ACSS1: variants seen among roughly 807,000 people sequenced by gnomAD.
The protein encoded by ACSS1 is acyl-CoA synthetase short chain family member 1.
ACSS1 carries 42 observed loss-of-function variants against 75.3 expected under a neutral mutation model. The ratio of observed to expected loss-of-function variants is 0.56; its 90% confidence interval spans 0.44 to 0.72. The LOEUF (loss-of-function observed/expected upper bound fraction) is 0.72. Ranked by LOEUF, ACSS1 falls within the 30% of genes least tolerant of loss-of-function variation. The probability of loss-of-function intolerance (pLI) is 0.00; values close to 1 mark genes in which losing one functional copy is unlikely to be tolerated. For missense variants in ACSS1, 782 were observed against 935.7 expected, an observed-to-expected ratio of 0.84 and a Z score of 2.14; for synonymous variants, 380 against 376.8, an observed-to-expected ratio of 1.01 and a Z score of -0.10.
chr20:25,021,515 C>G lies in ACSS1; in HGVS notation c.982G>C (p.Gly328Arg), dbSNP rs2088625172. 2 of 1,614,018 alleles carry G rather than the reference C, an allele frequency of 1.2e-6. No individual in the cohort carries two copies. Among genetic ancestry groups the G allele is most frequent in the Admixed American group, 3.3e-5 (2 of 59,990 alleles). Reference protein sequence around the residue: ...THKLVFDHQPGDIFGCVADIG... With the variant: ...THKLVFDHQPRDIFGCVADIG... ...TCGGCCACACAGCCAAAGATGTCAC[C>G]TGGCTGGTGGTCAAACACAAGCTGC... is the stretch of plus-strand genomic sequence containing the variant. Residue 328 changes from glycine to arginine, a missense_variant, in exon 6 of 14, where the codon GGT (glycine) becomes CGT (arginine). By Grantham distance (125) the Gly-to-Arg change is moderately radical. This residue lies in a region of ACSS1 where 405 missense variants were observed against 552.6 expected (regional missense o/e 0.73). Coordinates refer to ENST00000323482, the MANE Select transcript of ACSS1 (RefSeq NM_032501.4).
At chr20:25,030,697 G>A (rs2088806579) in intron 3 of ACSS1, 62 bp downstream of exon 3, 3 of 1,580,174 alleles carry the variant, frequency 1.9e-6, no homozygotes, top group Non-Finnish European at 1.7e-6. Context: ...TGATGGCCAG[G>A]CCCCCAGGAA....
intron 2 of ACSS1, among the ~76,000 whole-genome samples, chr20:25,033,798 C>A (rs963879328): frequency 6.6e-6 from 1 of 152,192 alleles, no homozygotes; most frequent in South Asian, 2.1e-4. Flanking sequence ...GCAGGGAGAG[C>A]TTTCTGGATA....
chr20:25,015,399 G>A lies in ACSS1; in HGVS notation c.1247-169C>T, dbSNP rs151056482. On this transcript the variant is annotated intron_variant, in intron 7 of 13. Transcript: ENST00000323482. ...CAACCTCCACCTCCCAGGTTCAAGC[G>A]ATTCTCCTGCTTCAGCCTCCTGAGT... Among the ~76,000 whole-genome samples, 36 of 152,244 alleles carry A rather than the reference G, an allele frequency of 2.4e-4. No homozygotes were observed. The Middle Eastern group carries it at 0.014, about 58-fold the overall frequency.
In ACSS1 at chr20:25,012,898, C is replaced by T. The variant is rs145929672; in HGVS notation, c.1621G>A (p.Gly541Ser). 3.7e-6 allele frequency: 6 copies of T among 1,614,160 alleles called. No individual in the cohort carries two copies. The highest frequency in any genetic ancestry group is 5.1e-6 in the Non-Finnish European group (6 of 1,180,042). ...ATCCGCCCTGTGATCTGGTAATAGC[C>T]GCCCTCAGTTCGGTAAGCCCCGTCT... is the stretch of plus-strand genomic sequence containing the variant. ...TGDGAYRTEG[G>S]YYQITGRMDD... The change falls in exon 11 of 14, where the codon GGC becomes AGC. Residue 541 changes from glycine (G) to serine (S), a missense_variant. This residue lies in a region of ACSS1 where 405 missense variants were observed against 552.6 expected (regional missense o/e 0.73). Coordinates refer to ENST00000323482, the MANE Select transcript of ACSS1 (RefSeq NM_032501.4).
intron 3 of ACSS1, among the ~76,000 whole-genome samples, chr20:25,026,000 T>C (rs2088710026): frequency 6.6e-6 from 1 of 152,174 alleles, no homozygotes; most frequent in Non-Finnish European, 1.5e-5. Flanking sequence ...TGGGTCATTA[T>C]TCTACCCCCA....
chr20:25,012,389 C>T (rs2088425250), intron 12 of ACSS1: 1 of 617,682 alleles, frequency 1.6e-6, no homozygotes, highest in African/African-American at 1.8e-5. Context: ...CCTGAAAGGA[C>T]AGCAGAACCA....
At chr20:25,048,295 G>A in intron 1 of ACSS1, 114 bp from the exon 2 acceptor site, 1 of 789,130 alleles carries the variant, frequency 1.3e-6, no homozygotes, top group Non-Finnish European at 2.1e-6. Context: ...TTCTTCCACT[G>A]ACAGAGACCC....
intron 7 of ACSS1, among the ~76,000 whole-genome samples, chr20:25,019,594 C>T (rs2088580911): frequency 6.6e-6 from 1 of 152,226 alleles, no homozygotes; most frequent in Non-Finnish European, 1.5e-5. Flanking sequence ...TCCTAGTTCA[C>T]TGCAGCCTGA....
At chr20:25,032,250 A>C in intron 2 of ACSS1, 2 of 942,588 alleles carry the variant, frequency 2.1e-6, no homozygotes, top group Non-Finnish European at 1.4e-6. Context: ...CTCAGGGCGC[A>C]TCATCTCTCT....
At chr20:25,026,999 C>A (rs183109548) in intron 3 of ACSS1, among the ~76,000 whole-genome samples, 16 of 152,352 alleles carry the variant, frequency 1.1e-4, no homozygotes, top group Admixed American at 5.2e-4. Context: ...ACTGGGTGAC[C>A]ATGGCCACAC....
intron 12 of ACSS1, 152 bp downstream of exon 12, chr20:25,012,449 C>T (rs1057242865): frequency 1.2e-5 from 12 of 969,418 alleles, no homozygotes; most frequent in East Asian, 1.2e-4. Context: ...GCCTCCTCCC[C>T]TACAGTTTCC....
intron 2 of ACSS1, among the ~76,000 whole-genome samples, chr20:25,037,009 G>GA (rs2088924027): frequency 6.8e-6 from 1 of 147,854 alleles, no homozygotes; most frequent in Admixed American, 6.7e-5. Context: ...AGAAAGAAAG[G>GA]AAGGAAGGAA....
Position 25,007,149 on chromosome 20 carries a change from A to G in ACSS1, c.*613T>C, listed in dbSNP as rs904656464. On this transcript the variant is annotated 3_prime_UTR_variant, in exon 14 of 14. Coordinates refer to ENST00000323482, the MANE Select transcript of ACSS1 (RefSeq NM_032501.4). ...TCAAGGGAACTGTTTAGACAGAGGT[A>G]CAAACATCTCCAATTCAGACTTCCA... The G allele has an allele frequency of 4.6e-5, 62 of 1,334,060 alleles. 1 individual carries two copies. Among genetic ancestry groups the G allele is most frequent in the Middle Eastern group, 5.4e-4 (2 of 3,712 alleles). 82.6% of individuals were successfully genotyped at this position (1,334,060 alleles called of 1,614,324 possible).
chr20:25,007,097 GA>G lies in ACSS1; in HGVS notation c.*664del. The G allele has an allele frequency of 7.1e-7, 1 of 1,412,384 alleles. No individual in the cohort carries two copies. The highest frequency in any genetic ancestry group is 1.6e-5 in the South Asian group (1 of 62,916). 87.5% of individuals were successfully genotyped at this position (1,412,384 alleles called of 1,614,324 possible). On this transcript the variant is annotated 3_prime_UTR_variant, in exon 14 of 14. Transcript: ENST00000323482. ...CAAGCACAGGAGAAACACTCACCAG[GA>G]AAAGATGCCGGAGGCTTGGAAGTTC... is the stretch of plus-strand genomic sequence containing the variant.
chr20:25,018,497 G>C (rs572796601), intron 7 of ACSS1, among the ~76,000 whole-genome samples: 1 of 152,186 alleles, frequency 6.6e-6, no homozygotes, highest in Admixed American at 6.5e-5. Flanking sequence ...GGTACAGGGT[G>C]GGGGCACAGA....
Position 25,007,301 on chromosome 20 carries a change from T to G in ACSS1, c.*461A>C. 1.8e-6 allele frequency: 2 copies of G among 1,101,822 alleles called. No individual in the cohort carries two copies. Among genetic ancestry groups the G allele is most frequent in the Non-Finnish European group, 2.2e-6 (2 of 902,528 alleles). The allele number at this position is 1,101,822 out of a possible 1,614,324, so 68.3% of individuals were successfully genotyped here. ...TGTTCAAGTAAATCCACACACTACA[T>G]GTGAGTGTTGCATGCTGTTCTTCCA... On this transcript the variant is annotated 3_prime_UTR_variant, in exon 14 of 14. Transcript: ENST00000323482.
chr20:25,023,172 TCC>T, intron 4 of ACSS1, 80 bp from the exon 5 acceptor site: 1 of 1,493,948 alleles, frequency 6.7e-7, no homozygotes, highest in Admixed American at 2.1e-5. Flanking sequence ...GCAGCAGGAC[TCC>T]ACACACAGGA....
chr20:25,040,204 C>A (rs1196742286), intron 2 of ACSS1, among the ~76,000 whole-genome samples: 1 of 152,248 alleles, frequency 6.6e-6, no homozygotes, highest in Non-Finnish European at 1.5e-5. Context: ...TTGCACACCC[C>A]ACATGCCCTC....
chr20:25,012,970 GA>G, intron 10 of ACSS1, 31 bp from the exon 11 acceptor site: 1 of 1,613,884 alleles, frequency 6.2e-7, no homozygotes, highest in Non-Finnish European at 8.5e-7. Flanking sequence ...TCAGCACCAG[GA>G]ACCCTGAGCC....
Sources: allele counts gnomAD v4.1 joint callset (sites outside exome capture counted in the v4.1 genomes callset), GRCh38; gene constraint gnomAD v4.1.1; regional missense constraint gnomAD v4.1.1; transcripts MANE v1.5; gene names NCBI Gene and HGNC (gene_info 2026-07-23, HGNC 2026-07-21).